Variants in DCHS2 observed in about 807,000 individuals in gnomAD.
DCHS2 encodes dachsous cadherin-related 2.
DCHS2 carries 142 observed loss-of-function variants against 182.4 expected under a neutral mutation model. The observed-to-expected ratio is 0.78, with a 90% confidence interval of 0.68 to 0.89. DCHS2 has a LOEUF of 0.89. DCHS2 is among the 40% of genes least tolerant of loss of function. The pLI, the probability that DCHS2 is intolerant of heterozygous loss-of-function variation, is 0.00. For missense variants in DCHS2, 4,319 were observed against 4,198.6 expected, an observed-to-expected ratio of 1.03 and a Z score of -0.79; for synonymous variants, 1,740 against 1,663.3, an observed-to-expected ratio of 1.05 and a Z score of -1.12.
At chr4:154,392,660 C>T (rs1323836849) in intron 1 of DCHS2, among the ~76,000 whole-genome samples, 2 of 152,170 alleles carry the variant, frequency 1.3e-5, no homozygotes, top group African/African-American at 4.8e-5. Flanking sequence ...AAACCATGCA[C>T]ATAGATCTAA....
intron 16 of DCHS2, among the ~76,000 whole-genome samples, chr4:154,243,682 T>G (rs2111112776): frequency 6.6e-6 from 1 of 152,228 alleles, no homozygotes; most frequent in East Asian, 1.9e-4. Flanking sequence ...ACATGGGACT[T>G]TCAGTGCTAC....
intron 3 of DCHS2, among the ~76,000 whole-genome samples, chr4:154,362,585 C>T (rs1035026490): frequency 6.6e-6 from 1 of 152,084 alleles, no homozygotes; most frequent in Admixed American, 6.6e-5. Context: ...AGGAAGACTA[C>T]AGTTGAGCCT....
At chr4:154,358,289 T>C (rs1360718980) in intron 3 of DCHS2, among the ~76,000 whole-genome samples, 1 of 152,212 alleles carries the variant, frequency 6.6e-6, no homozygotes, top group East Asian at 1.9e-4. Flanking sequence ...TCCTGCAAGG[T>C]TGTGCTCAAG....
chr4:154,328,074 T>C lies in DCHS2; in HGVS notation c.4018+19A>G. ...GAAATCCTAAAAGTTCTTAATCCCG[T>C]ATGAACAGTAAGTTTTACCTGAAGA... On this transcript the variant is annotated intron_variant, in intron 7 of 19. Coordinates refer to ENST00000357232, the MANE Select transcript of DCHS2 (RefSeq NM_001358235.2). The C allele has an allele frequency of 1.9e-6, 3 of 1,558,328 alleles. No homozygotes were observed. Among genetic ancestry groups the C allele is most frequent in the South Asian group, 2.4e-5 (2 of 83,800 alleles).
At chr4:154,299,700 T>C (rs897588679) in intron 12 of DCHS2, among the ~76,000 whole-genome samples, 1 of 152,144 alleles carries the variant, frequency 6.6e-6, no homozygotes, top group African/African-American at 2.4e-5. Context: ...TTCTGTAGTA[T>C]TTGTGGCTGA....
intron 1 of DCHS2, among the ~76,000 whole-genome samples, chr4:154,417,247 G>GAGAGAGAC (rs1396510277): frequency 7.0e-6 from 1 of 142,056 alleles, no homozygotes; most frequent in Non-Finnish European, 1.5e-5. Flanking sequence ...GAGAGAGAGA[G>GAGAGAGAC]AGAGACCAGT....
chr4:154,462,546 T>C (rs942076941), intron 1 of DCHS2, among the ~76,000 whole-genome samples: 1 of 152,086 alleles, frequency 6.6e-6, no homozygotes, highest in Non-Finnish European at 1.5e-5. Flanking sequence ...GACAGAAGAG[T>C]TGGAAATGGT....
At chr4:154,252,454 C>G (rs995322049) in intron 16 of DCHS2, among the ~76,000 whole-genome samples, 4 of 152,030 alleles carry the variant, frequency 2.6e-5, no homozygotes, top group Admixed American at 2.0e-4. Flanking sequence ...ATTTTGTAAT[C>G]TTTAACCATT....
intron 3 of DCHS2, among the ~76,000 whole-genome samples, chr4:154,341,312 T>C (rs1398995231): frequency 2.9e-5 from 4 of 139,180 alleles, no homozygotes; most frequent in Non-Finnish European, 6.0e-5. Context: ...GAGGCTGCAG[T>C]GAGCCGAGAC....
Position 154,236,361 on chromosome 4 carries a change from T to G in DCHS2, c.8291A>C (p.Asp2764Ala). ...TGAGAACATAAACTGAGGTGCATGG[T>G]CGTTATCATCCAGGACACTGACAAA... is the stretch of plus-strand genomic sequence containing the variant. ...VVFVSVLDDN[D>A]HAPQFMFSSF... Residue 2764 changes from aspartate (D) to alanine (A), a missense_variant, in exon 20 of 20, where the codon GAC becomes GCC. Transcript: ENST00000357232. 1 of 1,614,084 alleles carries G rather than the reference T, an allele frequency of 6.2e-7. No individual in the cohort carries two copies. The highest frequency in any genetic ancestry group is 1.1e-5 in the South Asian group (1 of 91,090).
At chr4:154,293,125 C>CAAAT (rs1400220660) in intron 13 of DCHS2, among the ~76,000 whole-genome samples, 1 of 152,162 alleles carries the variant, frequency 6.6e-6, no homozygotes, top group Non-Finnish European at 1.5e-5. Context: ...GGAGCTTCTA[C>CAAAT]AAATAAACAA....
At chr4:154,421,366 C>CGAGGAATTAAATTAA (rs1733102408) in intron 1 of DCHS2, among the ~76,000 whole-genome samples, 1 of 113,770 alleles carries the variant, frequency 8.8e-6, no homozygotes, top group East Asian at 3.3e-4. Flanking sequence ...AGACCCTTCT[C>CGAGGAATTAAATTAA]ATCTGTGTTA....
intron 1 of DCHS2, among the ~76,000 whole-genome samples, chr4:154,434,680 A>T (rs1733700447): frequency 6.6e-6 from 1 of 152,138 alleles, no homozygotes; most frequent in Admixed American, 6.5e-5. Context: ...TTCCCAATAA[A>T]AATTGTAAGG....
chr4:154,491,731 G>T lies in DCHS2; in HGVS notation c.-376C>A. 1 of 1,042,548 alleles carries T rather than the reference G, an allele frequency of 9.6e-7. No individual in the cohort carries two copies. The allele number at this position is 1,042,548 out of a possible 1,614,324, so 64.6% of individuals were successfully genotyped here. On this transcript the variant is annotated 5_prime_UTR_variant, in exon 1 of 20. Coordinates refer to ENST00000357232, the MANE Select transcript of DCHS2 (RefSeq NM_001358235.2). Reference sequence around the variant, plus strand: ...GGTGCATTATTTCTTTTGCCAAAAAGGAGGAGATTATATGAAGCGCGCACA... The same window carrying T: ...GGTGCATTATTTCTTTTGCCAAAAATGAGGAGATTATATGAAGCGCGCACA...
Position 154,237,028 on chromosome 4 carries a change from T to C in DCHS2, c.7624A>G (p.Met2542Val). Residue 2542 changes from methionine (M) to valine (V), a missense_variant, in exon 20 of 20, where the codon ATG becomes GTG. By Grantham distance (21) the Met-to-Val change is conservative. Transcript: ENST00000357232. ...GTGAATTCAGGGGCATAATTGTTCA[T>C]ATCTTCTATTCCTATCTCCACTAAA... ...LTLVEIGIED[M>V]NNYAPEFTVK... is the part of the protein sequence containing the mutation. 1 of 1,614,040 alleles carries C rather than the reference T, an allele frequency of 6.2e-7. No homozygotes were observed. Among genetic ancestry groups the C allele is most frequent in the Non-Finnish European group, 8.5e-7 (1 of 1,179,934 alleles).
At chr4:154,418,250 C>T (rs1732956025) in intron 1 of DCHS2, among the ~76,000 whole-genome samples, 1 of 152,070 alleles carries the variant, frequency 6.6e-6, no homozygotes, top group African/African-American at 2.4e-5. Context: ...ATGTAGAACC[C>T]GAGGCTCAGA....
intron 3 of DCHS2, among the ~76,000 whole-genome samples, chr4:154,362,641 A>C (rs10015880): frequency 0.044 from 6,743 of 152,148 alleles, 192 homozygotes; most frequent in Non-Finnish European, 0.069. Flanking sequence ...ATACACAGAT[A>C]GTTTTCAATA....
intron 1 of DCHS2, among the ~76,000 whole-genome samples, chr4:154,418,460 G>C (rs1410716805): frequency 1.3e-5 from 2 of 152,162 alleles, no homozygotes; most frequent in Non-Finnish European, 2.9e-5. Context: ...CCACCATTTA[G>C]AAAGGATGAT....
intron 3 of DCHS2, among the ~76,000 whole-genome samples, chr4:154,346,330 C>T (rs1275006241): frequency 6.6e-6 from 1 of 152,164 alleles, no homozygotes; most frequent in Non-Finnish European, 1.5e-5. Flanking sequence ...ACGGAACAGA[C>T]AGCCCCTACA....
Sources: gnomAD v4.1 joint callset for allele counts (sites outside exome capture counted in the v4.1 genomes callset) on GRCh38, gnomAD v4.1.1 for gene constraint, MANE v1.5 for transcripts, NCBI Gene and HGNC (gene_info 2026-07-23, HGNC 2026-07-21) for gene names.